The following MYT1L variants were observed in gnomAD, a reference collection of about 807,000 sequenced individuals.
The protein encoded by MYT1L is myelin transcription factor 1 like, also known as myelin transcription factor 1-like protein.
Under a neutral mutation model 126.7 loss-of-function variants are expected in MYT1L, and 12 were observed. That is an observed-to-expected ratio of 0.09 (90% CI 0.06 to 0.15). The LOEUF is 0.15. Ranked by LOEUF, MYT1L falls within the 10% of genes least tolerant of loss-of-function variation. The pLI, the probability that MYT1L is intolerant of heterozygous loss-of-function variation, is 1.00. For missense variants in MYT1L, 979 were observed against 1,585.2 expected (o/e 0.62, Z 6.49); for synonymous variants, 541 against 604.2 (o/e 0.90, Z 1.53).
At chr2:1,935,776 C>A (rs929315336) in intron 9 of MYT1L, among the ~76,000 whole-genome samples, 7 of 152,210 alleles carry the variant, frequency 4.6e-5, no homozygotes, top group Admixed American at 2.0e-4. Context: ...ATTCACAAGG[C>A]ATAGCAGATA....
At chr2:2,276,082 G>C (rs1220572544) in intron 2 of MYT1L, among the ~76,000 whole-genome samples, 2 of 152,168 alleles carry the variant, frequency 1.3e-5, no homozygotes, top group Non-Finnish European at 1.5e-5. Context: ...AGAGCTCTGT[G>C]CCTGGACCAC....
intron 9 of MYT1L, among the ~76,000 whole-genome samples, chr2:1,925,490 A>G (rs978545350): frequency 3.3e-5 from 5 of 152,316 alleles, no homozygotes; most frequent in African/African-American, 1.2e-4. Flanking sequence ...CGTAGTTAAG[A>G]AGTACATCTC....
Position 1,979,491 on chromosome 2 carries a change from G to A in MYT1L, c.89+30C>T. ...GGCGTGAATTTTCCAAACTGTTAAT[G>A]GGGATGCATTTTACCCACATGGCAC... On this transcript the variant is annotated intron_variant, in intron 7 of 24. Coordinates refer to ENST00000647738, the MANE Select transcript of MYT1L (RefSeq NM_001303052.2). The surrounding 1 kb of genome is among the most constrained non-coding windows in gnomAD (Gnocchi z 4.0). 1 of 1,607,380 alleles carries A rather than the reference G, an allele frequency of 6.2e-7. No individual in the cohort carries two copies. Among genetic ancestry groups the A allele is most frequent in the South Asian group, 1.1e-5 (1 of 90,912 alleles).
chr2:2,186,349 G>A (rs1484601809), intron 2 of MYT1L, among the ~76,000 whole-genome samples: 1 of 152,240 alleles, frequency 6.6e-6, no homozygotes, highest in Non-Finnish European at 1.5e-5. Context: ...ACGCAGCCGG[G>A]CCTTCCCGAG....
intron 20 of MYT1L, 82 bp from the exon 21 acceptor site, chr2:1,839,452 G>C (rs1175730069): frequency 2.4e-6 from 3 of 1,270,422 alleles, no homozygotes; most frequent in African/African-American, 3.0e-5. Context: ...GAATAACCCG[G>C]CATGAAGAAG....
chr2:1,906,471 G>A (rs1306683570), intron 13 of MYT1L, among the ~76,000 whole-genome samples: 1 of 152,068 alleles, frequency 6.6e-6, no homozygotes, highest in Non-Finnish European at 1.5e-5. Context: ...TGGTTTTGGT[G>A]CAGTTACAAA....
intron 2 of MYT1L, among the ~76,000 whole-genome samples, chr2:2,200,783 C>T (rs1180545747): frequency 6.6e-6 from 1 of 152,196 alleles, no homozygotes; most frequent in Non-Finnish European, 1.5e-5. Context: ...GGGGGTTGCG[C>T]TCATGGCTGT....
intron 2 of MYT1L, among the ~76,000 whole-genome samples, chr2:2,245,164 C>T (rs970810643): frequency 6.6e-6 from 1 of 152,030 alleles, no homozygotes; most frequent in African/African-American, 2.4e-5. Flanking sequence ...AAAATAGGCA[C>T]AGGGGATGAA....
intron 2 of MYT1L, among the ~76,000 whole-genome samples, chr2:2,201,757 T>C (rs1036759499): frequency 4.5e-4 from 69 of 152,108 alleles, no homozygotes; most frequent in African/African-American, 1.6e-3. Flanking sequence ...TATTTTCAGC[T>C]AAACTCTCTA....
intron 19 of MYT1L, among the ~76,000 whole-genome samples, chr2:1,845,144 A>C (rs1351328259): frequency 6.6e-6 from 1 of 151,850 alleles, no homozygotes; most frequent in East Asian, 1.9e-4. Context: ...ACACCTGGAT[A>C]ATTTTTGTAT....
At chr2:1,821,577 G>T (rs895811922) in intron 21 of MYT1L, among the ~76,000 whole-genome samples, 1 of 152,124 alleles carries the variant, frequency 6.6e-6, no homozygotes, top group Non-Finnish European at 1.5e-5. Flanking sequence ...AGCTTCTTTT[G>T]CCCCCTGGTA....
intron 4 of MYT1L, among the ~76,000 whole-genome samples, chr2:2,033,724 G>A (rs145249958): frequency 1.5e-3 from 232 of 152,270 alleles, no homozygotes; most frequent in Middle Eastern, 3.4e-3. Flanking sequence ...CTCCAGGGAC[G>A]GTGATTGGCA....
chr2:2,256,814 G>C (rs2094825163), intron 2 of MYT1L, among the ~76,000 whole-genome samples: 1 of 152,172 alleles, frequency 6.6e-6, no homozygotes, highest in Non-Finnish European at 1.5e-5. Context: ...AGTGACAAAT[G>C]GGCTGAGGAT....
intron 4 of MYT1L, among the ~76,000 whole-genome samples, chr2:2,021,969 G>A (rs544513453): frequency 3.1e-4 from 47 of 152,276 alleles, no homozygotes; most frequent in African/African-American, 9.6e-4. Context: ...CACAGCAGAC[G>A]TCACTGACAC....
chr2:1,865,526 A>G (rs1164138426), intron 18 of MYT1L, among the ~76,000 whole-genome samples: 2 of 152,042 alleles, frequency 1.3e-5, no homozygotes, highest in Non-Finnish European at 2.9e-5. Context: ...CATCGTTAGG[A>G]TCCTTGTGAG....
intron 5 of MYT1L, among the ~76,000 whole-genome samples, chr2:1,981,029 C>T (rs1416572244): frequency 1.3e-5 from 2 of 152,044 alleles, no homozygotes; most frequent in East Asian, 1.9e-4. Context: ...CATTAGATGC[C>T]TGTGGCTCTA....
intron 2 of MYT1L, among the ~76,000 whole-genome samples, chr2:2,265,309 A>G (rs1572964515): frequency 6.7e-6 from 1 of 149,944 alleles, no homozygotes; most frequent in Admixed American, 6.6e-5. Flanking sequence ...CGCCTGGCCC[A>G]TCCTTTTTTT....
intron 4 of MYT1L, among the ~76,000 whole-genome samples, chr2:2,037,114 T>A (rs1197787537): frequency 6.6e-6 from 1 of 152,206 alleles, no homozygotes; most frequent in Non-Finnish European, 1.5e-5. Context: ...TGGTTTTCCT[T>A]GGAAAAGCAG....
chr2:2,107,900 G>A (rs1311629132), intron 3 of MYT1L, among the ~76,000 whole-genome samples: 5 of 152,174 alleles, frequency 3.3e-5, no homozygotes, highest in African/African-American at 1.2e-4. Context: ...ACACGGAGCT[G>A]CTTGTTCTGA....
Sources: allele counts gnomAD v4.1 joint callset (sites outside exome capture counted in the v4.1 genomes callset), GRCh38; gene constraint gnomAD v4.1.1; non-coding constraint Gnocchi (gnomAD v3.1); transcripts MANE v1.5; gene names NCBI Gene and HGNC (gene_info 2026-07-23, HGNC 2026-07-21).